The following TBX15 variants were observed in gnomAD, a reference collection of about 807,000 sequenced individuals.
TBX15 encodes the protein T-box transcription factor 15.
In TBX15, 18 loss-of-function variants were observed where a neutral mutation model predicts 53.9. That is an observed-to-expected ratio of 0.33 (90% CI 0.23 to 0.49). The LOEUF is 0.49. Ranked by LOEUF, TBX15 falls within the 20% of genes least tolerant of loss-of-function variation. The pLI is 0.98. For missense variants in TBX15, 692 were observed against 749.5 expected, an observed-to-expected ratio of 0.92 and a Z score of 0.90; for synonymous variants, 295 against 278.0, an observed-to-expected ratio of 1.06 and a Z score of -0.61.
At chr1:118,900,247 T>A (rs1023518593) in intron 6 of TBX15, among the ~76,000 whole-genome samples, 1 of 152,170 alleles carries the variant, frequency 6.6e-6, no homozygotes, top group Admixed American at 6.5e-5. Context: ...AGGTGGGTGG[T>A]ATGGCATCCC....
chr1:118,884,944 C>G lies in TBX15; in HGVS notation c.1597G>C (p.Glu533Gln). The change falls in exon 8 of 8, where the codon GAA becomes CAA. Residue 533 changes from glutamate (E) to glutamine (Q), a missense_variant. Physicochemically the swap from Glu to Gln is conservative, Grantham distance 29. Around this residue, in one of 3 missense-constraint regions of TBX15, gnomAD observed 375 missense variants for 371.6 expected, o/e 1.01. Coordinates refer to ENST00000369429, the MANE Select transcript of TBX15 (RefSeq NM_001330677.2). ...GTGCTTTGAGAGGCGCTCAGTTTTT[C>G]CGGGCTTGCAGCTAGCCTAGGGGAA... ...PTSPRLAASPEKLSASQSTLL... is the reference protein window; with the variant it reads ...PTSPRLAASPQKLSASQSTLL... 6.2e-7 allele frequency: 1 copy of G among 1,614,160 alleles called. No individual in the cohort carries two copies. The highest frequency in any genetic ancestry group is 1.1e-5 in the South Asian group (1 of 91,090).
At chr1:118,934,829 TC>T (rs1385351884) in intron 1 of TBX15, among the ~76,000 whole-genome samples, 1 of 152,338 alleles carries the variant, frequency 6.6e-6, no homozygotes, top group Admixed American at 6.5e-5. Flanking sequence ...GCAGTATTTG[TC>T]CATGAAGAGG....
At chr1:118,956,068 C>T (rs1656680285) in intron 1 of TBX15, among the ~76,000 whole-genome samples, 1 of 152,138 alleles carries the variant, frequency 6.6e-6, no homozygotes, top group Non-Finnish European at 1.5e-5. Context: ...CATGGGGACA[C>T]AGCTAGAAGG....
intron 1 of TBX15, among the ~76,000 whole-genome samples, chr1:118,975,367 G>T (rs1420407579): frequency 6.6e-6 from 1 of 152,098 alleles, no homozygotes; most frequent in Non-Finnish European, 1.5e-5. Context: ...GAAAAGACCT[G>T]GAAACTATAA....
chr1:118,965,049 G>T (rs1486262372), intron 1 of TBX15, among the ~76,000 whole-genome samples: 1 of 152,196 alleles, frequency 6.6e-6, no homozygotes, highest in Non-Finnish European at 1.5e-5. Context: ...TTGAACCAAA[G>T]TTGCACCCAG....
intron 6 of TBX15, among the ~76,000 whole-genome samples, chr1:118,911,028 G>C (rs538721354): frequency 1.3e-5 from 2 of 152,330 alleles, no homozygotes; most frequent in East Asian, 3.9e-4. Context: ...GCCTTTTAGA[G>C]TTAGAATTCT....
chr1:118,952,091 C>T lies in TBX15; in HGVS notation c.206-20259G>A, dbSNP rs545475773. On this transcript the variant is annotated intron_variant, in intron 1 of 7. Transcript: ENST00000369429. ...TCCTCTTCCTCCTCCTCTTCAGCTACTCAATGTGAAAACAATAAGGATGAA... is the reference window on the plus strand; with the variant it reads ...TCCTCTTCCTCCTCCTCTTCAGCTATTCAATGTGAAAACAATAAGGATGAA... Among the ~76,000 whole-genome samples the T allele has an allele frequency of 2.0e-5, 3 of 152,310 alleles. No individual in the cohort carries two copies. In the East Asian group the frequency reaches 5.8e-4, roughly 29 times the overall value.
At position 118,925,982 on chromosome 1, in the gene TBX15, T is replaced by C. The variant is rs573061936; in HGVS notation, c.521+528A>G. 3.7e-4 allele frequency among the ~76,000 whole-genome samples: 56 copies of C among 152,294 alleles called. 1 individual carries two copies. Among genetic ancestry groups the C allele is most frequent in the African/African-American group, 1.2e-3 (50 of 41,576 alleles). ...GAGACTATGTTGGCTTTTAATCAGT[T>C]TGAGGGAAAATTACTTAACAATCTC... On this transcript the variant is annotated intron_variant, in intron 3 of 7. Coordinates refer to ENST00000369429, the MANE Select transcript of TBX15 (RefSeq NM_001330677.2).
intron 6 of TBX15, among the ~76,000 whole-genome samples, chr1:118,911,441 T>C (rs963579358): frequency 6.6e-6 from 1 of 152,122 alleles, no homozygotes; most frequent in Admixed American, 6.5e-5. Flanking sequence ...ATAGAGCCCA[T>C]TAGGAAGGAC....
At chr1:118,903,766 A>G (rs184150885) in intron 6 of TBX15, among the ~76,000 whole-genome samples, 15 of 152,338 alleles carry the variant, frequency 9.8e-5, no homozygotes, top group South Asian at 4.1e-4. Context: ...GACAGAAAAG[A>G]CACAGGGTCT....
intron 1 of TBX15, among the ~76,000 whole-genome samples, chr1:118,957,782 C>A (rs889144566): frequency 1.3e-5 from 2 of 152,190 alleles, no homozygotes; most frequent in African/African-American, 4.8e-5. Context: ...TCATCCATGT[C>A]CCTACAAAGG....
rs570371998 is a variant in TBX15, at chr1:118,967,449, ATG to A, written c.205+20140_205+20141del. On this transcript the variant is annotated intron_variant, in intron 1 of 7. Coordinates refer to ENST00000369429, the MANE Select transcript of TBX15 (RefSeq NM_001330677.2). ...ATTTCAAACAAAATGATTTAAAATG[ATG>A]TGTTTGCCACCACTGAGCTAAGATT... Among the ~76,000 whole-genome samples, 377 of 152,318 alleles carry A rather than the reference ATG, an allele frequency of 2.5e-3. 2 individuals are homozygous for A. The highest frequency in any genetic ancestry group is 8.6e-3 in the African/African-American group (357 of 41,564).
upstream of TBX15, among the ~76,000 whole-genome samples, chr1:118,988,520 CG>C (rs1489420905): frequency 6.6e-6 from 1 of 152,134 alleles, no homozygotes; most frequent in African/African-American, 2.4e-5. Context: ...CCTGGCTTCC[CG>C]GTTTCCCCAT....
chr1:118,922,270 A>G (rs1335587572), intron 5 of TBX15, among the ~76,000 whole-genome samples: 1 of 152,198 alleles, frequency 6.6e-6, no homozygotes, highest in Non-Finnish European at 1.5e-5. Context: ...AGATCAAAGT[A>G]GTTACCTATG....
At chr1:118,965,099 A>T (rs895959910) in intron 1 of TBX15, among the ~76,000 whole-genome samples, 3 of 152,188 alleles carry the variant, frequency 2.0e-5, no homozygotes, top group Non-Finnish European at 4.4e-5. Flanking sequence ...TCCCTCACTA[A>T]CAAGAAATGT....
intron 7 of TBX15, among the ~76,000 whole-genome samples, chr1:118,893,310 G>A (rs1176922995): frequency 4.7e-5 from 6 of 128,570 alleles, no homozygotes; most frequent in Middle Eastern, 3.7e-3. Flanking sequence ...AGGAAGGAAG[G>A]AAGGAAAGAA....
At chr1:118,932,616 G>T (rs1006526165) in intron 1 of TBX15, among the ~76,000 whole-genome samples, 4 of 152,050 alleles carry the variant, frequency 2.6e-5, no homozygotes, top group African/African-American at 9.7e-5. Context: ...CAGGAAGGTG[G>T]GATTGAGAGC....
rs114189688 is a variant in TBX15 at position 118,916,312 on chromosome 1, T to G, written c.862-2133A>C. On this transcript the variant is annotated intron_variant, in intron 5 of 7. Transcript: ENST00000369429. ...GTTGAAGGGCTCTGGGGTTTCATGT[T>G]AGAGACAGCATGTGAGCTAGGCCTT... Among the ~76,000 whole-genome samples, 761 of 152,328 alleles carry G rather than the reference T, an allele frequency of 5.0e-3. 1 individual carries two copies. Among genetic ancestry groups the G allele is most frequent in the Non-Finnish European group, 6.9e-3 (468 of 68,022 alleles).
intron 6 of TBX15, among the ~76,000 whole-genome samples, chr1:118,908,329 G>T (rs1014291712): frequency 6.7e-6 from 1 of 150,284 alleles, no homozygotes; most frequent in Non-Finnish European, 1.5e-5. Flanking sequence ...TCTTCCAGGA[G>T]CTTATATTCT....
Sources: allele counts gnomAD v4.1 joint callset (sites outside exome capture counted in the v4.1 genomes callset), GRCh38; gene constraint gnomAD v4.1.1; regional missense constraint gnomAD v4.1.1; transcripts MANE v1.5; gene names NCBI Gene and HGNC (gene_info 2026-07-23, HGNC 2026-07-21).